The following MISP variants were observed in gnomAD, a reference collection of about 807,000 sequenced individuals.
The protein encoded by MISP is mitotic interactor and substrate of PLK1.
A neutral mutation model predicts 49.3 loss-of-function variants in MISP; 51 were observed. The observed-to-expected ratio is 1.03, with a 90% CI of 0.83 to 1.31. MISP has a LOEUF of 1.31. Among genes scored for constraint, MISP ranks in the 50% most tolerant of loss-of-function variants. The pLI is 0.00. For synonymous variants in MISP, 444 were observed against 392.6 expected, an observed-to-expected ratio of 1.13 and a Z score of -1.55; for missense variants, 1,084 against 935.1, an observed-to-expected ratio of 1.16 and a Z score of -2.08.
chr19:753,999 G>A (rs1264064988), intron 1 of MISP, among the ~76,000 whole-genome samples: 1 of 152,130 alleles, frequency 6.6e-6, no homozygotes, highest in Admixed American at 6.6e-5. Flanking sequence ...GTGTCTTCAG[G>A]TGAGGCTTCC....
upstream of MISP, among the ~76,000 whole-genome samples, chr19:749,386 C>T (rs75222588): frequency 1.6e-3 from 249 of 152,358 alleles, 4 homozygotes; most frequent in East Asian, 0.034. Context: ...GTTTCCCTAT[C>T]TACAAGCCAG....
At position 758,604 on chromosome 19, in the gene MISP, G is replaced by A; in HGVS notation, c.1658G>A (p.Ser553Asn). Residue 553 changes from serine to asparagine, a missense_variant, in exon 2 of 5, where the codon AGT (serine) becomes AAT (asparagine). By Grantham distance (46) the Ser-to-Asn change is conservative. Coordinates refer to ENST00000215582, the MANE Select transcript of MISP (RefSeq NM_173481.4). The stretch of plus-strand genomic sequence containing the variant: ...GATCTGCTGGAAAGGGAGAGGGAGA[G>A]TGTCCTGCGCCGGGAGCAAGAGGTG... ...SSDLLERERESVLRREQEVAE... is the reference protein window; with the variant it reads ...SSDLLERERENVLRREQEVAE... 6.2e-7 allele frequency: 1 copy of A among 1,614,230 alleles called. No individual in the cohort carries two copies. The highest frequency in any genetic ancestry group is 8.5e-7 in the Non-Finnish European group (1 of 1,180,044).
chr19:758,125 C>G lies in MISP; in HGVS notation c.1179C>G (p.Leu393=). Residue 393 remains leucine (L), a synonymous_variant, in exon 2 of 5, where the codon CTC becomes CTG. Coordinates refer to ENST00000215582, the MANE Select transcript of MISP (RefSeq NM_173481.4). ...EGPQPGLRRA[L]SSDSILSPAP... is the part of the protein sequence containing the mutation. Reference sequence around the variant, plus strand: ...CCCAGCCCGGACTCCGGAGAGCCCTCAGCTCAGATTCCATCCTCAGCCCGG... The same window carrying G: ...CCCAGCCCGGACTCCGGAGAGCCCTGAGCTCAGATTCCATCCTCAGCCCGG... 1 of 1,608,992 alleles carries G rather than the reference C, an allele frequency of 6.2e-7. No individual in the cohort carries two copies. Among genetic ancestry groups the G allele is most frequent in the Non-Finnish European group, 8.5e-7 (1 of 1,177,894 alleles).
intron 4 of MISP, 152 bp downstream of exon 4, chr19:761,815 T>C: frequency 1.2e-6 from 1 of 810,166 alleles, no homozygotes; most frequent in South Asian, 1.6e-5. Context: ...TGGATTTTGC[T>C]GTGATCTGCT....
At chr19:752,096 T>C (rs2033467891) in intron 1 of MISP, among the ~76,000 whole-genome samples, 1 of 152,162 alleles carries the variant, frequency 6.6e-6, no homozygotes, top group South Asian at 2.1e-4. Context: ...TGCTCTGTCA[T>C]CGCTGTGTGA....
In MISP at chr19:758,511, T is replaced by C; in HGVS notation, c.1565T>C (p.Val522Ala). 1 of 1,613,926 alleles carries C rather than the reference T, an allele frequency of 6.2e-7. No individual in the cohort carries two copies. Among genetic ancestry groups the C allele is most frequent in the Non-Finnish European group, 8.5e-7 (1 of 1,179,926 alleles). ...RAPDEPQQAQ[V>A]PHVWGWEVAG... ...CCAGACGAGCCCCAGCAGGCCCAAG[T>C]CCCCCATGTCTGGGGCTGGGAGGTG... Residue 522 changes from valine to alanine, a missense_variant, in exon 2 of 5, where the codon GTC becomes GCC. Physicochemically the swap from Val to Ala is moderately conservative, Grantham distance 64 (BLOSUM62 0). Transcript: ENST00000215582.
At chr19:759,147 C>T (rs2033630657) in intron 2 of MISP, among the ~76,000 whole-genome samples, 1 of 151,958 alleles carries the variant, frequency 6.6e-6, no homozygotes, top group African/African-American at 2.4e-5. Context: ...CCTCAGCCTC[C>T]TGAGTAGCTG....
At chr19:750,739 G>A (rs1195818742), upstream of MISP, among the ~76,000 whole-genome samples, 1 of 152,172 alleles carries the variant, frequency 6.6e-6, no homozygotes, top group Non-Finnish European at 1.5e-5. Context: ...GGCACGGACG[G>A]GATTGGGACT....
chr19:761,156 C>G (rs1367464688), intron 3 of MISP, among the ~76,000 whole-genome samples: 1 of 124,546 alleles, frequency 8.0e-6, no homozygotes, highest in East Asian at 2.6e-4. Flanking sequence ...GTGGCACGAT[C>G]TTGGCTCACT....
chr19:758,776 T>TG, intron 2 of MISP, 50 bp downstream of exon 2: 1 of 1,527,724 alleles, frequency 6.5e-7, no homozygotes, highest in Non-Finnish European at 8.9e-7. Context: ...TCTCAGAGGT[T>TG]GGAGCAGGGG....
rs1232937518 is a variant in MISP, at chr19:763,055, C to T, written c.1951-446C>T. The stretch of plus-strand genomic sequence containing the variant: ...CTGTAATCTCAGCACTTTGGGAGGC[C>T]GAGGCGGGAGGATCATGAGGTCAGG... On this transcript the variant is annotated intron_variant, in intron 4 of 4. Transcript: ENST00000215582. Among the ~76,000 whole-genome samples, 6 of 152,088 alleles carry T rather than the reference C, an allele frequency of 3.9e-5. No homozygotes were observed. The South Asian group carries it at 6.2e-4, about 16-fold the overall frequency.
chr19:751,976 T>A (rs374325772), intron 1 of MISP, among the ~76,000 whole-genome samples: 8 of 152,114 alleles, frequency 5.3e-5, no homozygotes, highest in African/African-American at 1.9e-4. Context: ...TAAACCCAGT[T>A]TCATTCTGGT....
chr19:757,973 G>A lies in MISP; in HGVS notation c.1027G>A (p.Glu343Lys), dbSNP rs748999522. 4 of 1,584,066 alleles carry A rather than the reference G, an allele frequency of 2.5e-6. No homozygotes were observed. The African/African-American group carries it at 5.4e-5, about 21-fold the overall frequency. ...GAGCCTGATCACAGCCCCACGGCGG[G>A]AGAGAGGGCGCCCGTCCCTCTACGT... ...KLSLITAPRR[E>K]RGRPSLYVQR... The change falls in exon 2 of 5, where the codon GAG (glutamate) becomes AAG (lysine). Residue 343 changes from glutamate to lysine, a missense_variant. Glu to Lys is a moderately conservative substitution (Grantham distance 56). Transcript: ENST00000215582.
At chr19:761,715 G>A in intron 4 of MISP, 52 bp downstream of exon 4, 1 of 1,604,334 alleles carries the variant, frequency 6.2e-7, no homozygotes, top group Non-Finnish European at 8.5e-7. Flanking sequence ...CCACATCTGT[G>A]CCCCTGCACA....
chr19:758,519 G>A lies in MISP; in HGVS notation c.1573G>A (p.Val525Ile). The A allele has an allele frequency of 1.2e-6, 2 of 1,614,146 alleles. No homozygotes were observed. The highest frequency in any genetic ancestry group is 8.5e-7 in the Non-Finnish European group (1 of 1,179,964). The change falls in exon 2 of 5, where the codon GTC (valine) becomes ATC (isoleucine). Residue 525 changes from valine (V) to isoleucine (I), a missense_variant. Transcript: ENST00000215582. ...GCCCCAGCAGGCCCAAGTCCCCCATGTCTGGGGCTGGGAGGTGGCTGGGGC... is the reference window on the plus strand; with the variant it reads ...GCCCCAGCAGGCCCAAGTCCCCCATATCTGGGGCTGGGAGGTGGCTGGGGC... ...DEPQQAQVPH[V>I]WGWEVAGAPA...
Position 761,641 on chromosome 19 carries a change from C to G in MISP, c.1928C>G (p.Pro643Arg). ...TTCCTGTAGTACGCTGGCATCAACC[C>G]CTCGGACGGTATCAACTCAGAGGTG... Reference protein sequence around the residue: ...KKEQWYAGINPSDGINSEVLE... With the variant: ...KKEQWYAGINRSDGINSEVLE... The change falls in exon 4 of 5, where the codon CCC (proline) becomes CGC (arginine). Residue 643 changes from proline (P) to arginine (R), a missense_variant. Coordinates refer to ENST00000215582, the MANE Select transcript of MISP (RefSeq NM_173481.4). 6 of 1,614,084 alleles carry G rather than the reference C, an allele frequency of 3.7e-6. No individual in the cohort carries two copies. The highest frequency in any genetic ancestry group is 5.1e-6 in the Non-Finnish European group (6 of 1,180,004).
upstream of MISP, among the ~76,000 whole-genome samples, chr19:750,786 T>C (rs889450301): frequency 2.0e-5 from 3 of 152,268 alleles, no homozygotes; most frequent in East Asian, 5.8e-4. Context: ...CAGGCCACTG[T>C]GCACGCTGAG....
At position 756,989 on chromosome 19, in the gene MISP, G is replaced by C; in HGVS notation, c.43G>C (p.Ala15Pro). 1 of 1,595,514 alleles carries C rather than the reference G, an allele frequency of 6.3e-7. No homozygotes were observed. The highest frequency in any genetic ancestry group is 8.5e-7 in the Non-Finnish European group (1 of 1,169,596). The change falls in exon 2 of 5, where the codon GCA becomes CCA. Residue 15 changes from alanine (A) to proline (P), a missense_variant. Physicochemically the swap from Ala to Pro is conservative, Grantham distance 27. Transcript: ENST00000215582. ...TRYPILGIPQAHRGTGLVLDG... is the reference protein window; with the variant it reads ...TRYPILGIPQPHRGTGLVLDG... ...ATACCCCATCCTGGGCATCCCTCAG[G>C]CACACCGTGGCACCGGCCTGGTGCT...
At chr19:763,380 CAG>C in intron 4 of MISP, 119 bp from the exon 5 acceptor site, 1 of 685,384 alleles carries the variant, frequency 1.5e-6, no homozygotes, top group Non-Finnish European at 2.7e-6. Context: ...GGGTCTGAAA[CAG>C]AGGAGGGGAT....
Sources: gnomAD v4.1 joint callset for allele counts (sites outside exome capture counted in the v4.1 genomes callset) on GRCh38, gnomAD v4.1.1 for gene constraint, MANE v1.5 for transcripts, NCBI Gene and HGNC (gene_info 2026-07-23, HGNC 2026-07-21) for gene names.